Variants in NTM observed in about 807,000 individuals in gnomAD.
NTM encodes the protein neurotrimin.
A neutral mutation model predicts 42.1 loss-of-function variants in NTM; 13 were observed. The ratio of observed to expected loss-of-function variants is 0.31; its 90% confidence interval spans 0.20 to 0.49. The LOEUF (loss-of-function observed/expected upper bound fraction) is 0.49. NTM is among the 20% of genes least tolerant of loss of function. The pLI is 0.99. For synonymous variants in NTM, 187 were observed against 179.2 expected, an observed-to-expected ratio of 1.04 and a Z score of -0.35; for missense variants, 373 against 452.8, an observed-to-expected ratio of 0.82 and a Z score of 1.60.
At chr11:132,228,638 A>G (rs2086815061) in intron 4 of NTM, among the ~76,000 whole-genome samples, 1 of 152,184 alleles carries the variant, frequency 6.6e-6, no homozygotes, top group African/African-American at 2.4e-5. Flanking sequence ...GAGAAATTAG[A>G]GCAAATTAGT....
At position 131,965,478 on chromosome 11, in the gene NTM, G is replaced by A. The variant is rs147221774; in HGVS notation, c.167+53830G>A. Among the ~76,000 whole-genome samples the A allele has an allele frequency of 2.7e-4, 41 of 152,180 alleles. No individual in the cohort carries two copies. In the East Asian group the frequency reaches 6.2e-3, roughly 23 times the overall value. On this transcript the variant is annotated intron_variant, in intron 2 of 8. Coordinates refer to ENST00000683400, the MANE Select transcript of NTM (RefSeq NM_001352005.2). ...GCCAACTACATGCTAAAAGGGCATC[G>A]GCACATTATTTTAATTAATTATTAT...
chr11:131,586,890 GT>G (rs1359310542), intron 1 of NTM, among the ~76,000 whole-genome samples: 1 of 152,058 alleles, frequency 6.6e-6, no homozygotes, highest in Non-Finnish European at 1.5e-5. Context: ...CACACTAACC[GT>G]TTCTGAACCT....
intron 1 of NTM, among the ~76,000 whole-genome samples, chr11:131,592,723 C>T (rs979794614): frequency 6.6e-6 from 1 of 151,538 alleles, no homozygotes; most frequent in Non-Finnish European, 1.5e-5. Context: ...GCTGTTTCCT[C>T]CTCCTTCCCC....
intron 2 of NTM, among the ~76,000 whole-genome samples, chr11:132,030,968 G>A (rs1349220322): frequency 6.6e-6 from 1 of 152,128 alleles, no homozygotes; most frequent in Non-Finnish European, 1.5e-5. Flanking sequence ...TCATTCTGGG[G>A]CCCAGACTGA....
At chr11:131,707,564 C>T (rs766669682) in intron 1 of NTM, among the ~76,000 whole-genome samples, 1 of 151,952 alleles carries the variant, frequency 6.6e-6, no homozygotes, top group Non-Finnish European at 1.5e-5. Context: ...TTGAAAGGGA[C>T]CTCAATATTG....
intron 4 of NTM, among the ~76,000 whole-genome samples, chr11:132,282,976 CTTTTTTTTT>C (rs142817071): frequency 0.027 from 2,933 of 109,046 alleles, 57 homozygotes; most frequent in Middle Eastern, 0.077. Flanking sequence ...TCCTTTATTC[CTTTTTTTTT>C]TTTTTTTTTT....
chr11:132,142,191 C>T (rs1464893464), intron 2 of NTM, among the ~76,000 whole-genome samples: 1 of 152,218 alleles, frequency 6.6e-6, no homozygotes, highest in Non-Finnish European at 1.5e-5. Context: ...CCATCTCCCA[C>T]CTCTTGTTGG....
intron 7 of NTM, among the ~76,000 whole-genome samples, chr11:132,325,494 A>T (rs551766303): frequency 6.6e-6 from 1 of 152,156 alleles, no homozygotes; most frequent in Non-Finnish European, 1.5e-5. Context: ...TTAGAATGGC[A>T]ATCATTAAAA....
chr11:132,180,613 AC>A (rs1185223681), intron 3 of NTM, among the ~76,000 whole-genome samples: 11 of 152,290 alleles, frequency 7.2e-5, no homozygotes, highest in African/African-American at 2.6e-4. Flanking sequence ...GAACAAAAAA[AC>A]AAAAAACCCA....
chr11:131,642,966 G>A (rs1018720231), intron 1 of NTM, among the ~76,000 whole-genome samples: 7 of 150,594 alleles, frequency 4.6e-5, no homozygotes, highest in East Asian at 3.9e-4. Context: ...CTGTGGCTCC[G>A]TTTCCCAGAA....
rs1048400464 is a variant in NTM at position 131,613,377 on chromosome 11, C to T, written c.82+242489C>T. Among the ~76,000 whole-genome samples, 27 of 152,232 alleles carry T rather than the reference C, an allele frequency of 1.8e-4. 1 individual carries two copies. The highest frequency in any genetic ancestry group is 5.9e-4 in the Admixed American group (9 of 15,290). On this transcript the variant is annotated intron_variant, in intron 1 of 8. Coordinates refer to ENST00000683400, the MANE Select transcript of NTM (RefSeq NM_001352005.2). The stretch of plus-strand genomic sequence containing the variant: ...CGTATTTTACAGTTATTCCAAAGCC[C>T]CCATGGTCCTCGGTGAGGAGCACAT...
chr11:132,108,952 G>A lies in NTM; in HGVS notation c.168-37330G>A, dbSNP rs1161546212. Reference sequence around the variant, plus strand: ...TCCCACTTATGAGTGAGAACATGCAGTGTTTGGTTTTCTGTTCTTCTGTTA... The same window carrying A: ...TCCCACTTATGAGTGAGAACATGCAATGTTTGGTTTTCTGTTCTTCTGTTA... On this transcript the variant is annotated intron_variant, in intron 2 of 8. Coordinates refer to ENST00000683400, the MANE Select transcript of NTM (RefSeq NM_001352005.2). Among the ~76,000 whole-genome samples the A allele has an allele frequency of 2.6e-5, 4 of 152,284 alleles. No homozygotes were observed. The East Asian group carries it at 7.7e-4, about 29-fold the overall frequency.
At chr11:132,156,836 G>A (rs2073294546) in intron 3 of NTM, among the ~76,000 whole-genome samples, 1 of 152,150 alleles carries the variant, frequency 6.6e-6, no homozygotes, top group African/African-American at 2.4e-5. Flanking sequence ...AATTGTCCTG[G>A]GCCCTAAATG....
At chr11:131,546,511 T>C (rs1309204779) in intron 1 of NTM, among the ~76,000 whole-genome samples, 2 of 152,222 alleles carry the variant, frequency 1.3e-5, no homozygotes, top group African/African-American at 4.8e-5. Context: ...AAGTCAACTA[T>C]GTCATGTTCT....
At chr11:131,424,039 G>C (rs569737947) in intron 1 of NTM, among the ~76,000 whole-genome samples, 41 of 152,300 alleles carry the variant, frequency 2.7e-4, no homozygotes, top group Admixed American at 2.2e-3. Context: ...CCTCCCTTCT[G>C]AGTGGAGAAT....
intron 4 of NTM, among the ~76,000 whole-genome samples, chr11:132,281,723 A>T (rs1399580177): frequency 1.3e-5 from 2 of 152,218 alleles, no homozygotes; most frequent in Non-Finnish European, 2.9e-5. Context: ...AAGCACAGAC[A>T]TATTCTTCTT....
chr11:131,694,974 AG>A (rs1327258993), intron 1 of NTM, among the ~76,000 whole-genome samples: 12 of 152,124 alleles, frequency 7.9e-5, no homozygotes, highest in Non-Finnish European at 1.8e-4. Flanking sequence ...GGGCAGTCGG[AG>A]AGCCATGAAA....
chr11:132,126,776 T>A (rs2065909448), intron 2 of NTM, among the ~76,000 whole-genome samples: 1 of 152,106 alleles, frequency 6.6e-6, no homozygotes, highest in South Asian at 2.1e-4. Context: ...CGTGCCTTTT[T>A]CCGATTTGTG....
At chr11:131,793,524 G>T (rs2091203627) in intron 1 of NTM, among the ~76,000 whole-genome samples, 3 of 152,182 alleles carry the variant, frequency 2.0e-5, no homozygotes, top group Admixed American at 2.0e-4. Context: ...AAACTGAGTA[G>T]CAGAGATGTT....
Sources: gnomAD v4.1 joint callset for allele counts (sites outside exome capture counted in the v4.1 genomes callset) on GRCh38, gnomAD v4.1.1 for gene constraint, MANE v1.5 for transcripts, NCBI Gene and HGNC (gene_info 2026-07-23, HGNC 2026-07-21) for gene names.